Variants in GPM6A observed in about 807,000 individuals in gnomAD.
GPM6A encodes neuronal membrane glycoprotein M6-a.
Under a neutral mutation model 32.1 loss-of-function variants are expected in GPM6A, and 7 were observed. The observed-to-expected ratio is 0.22, with a 90% confidence interval of 0.12 to 0.41. The LOEUF (loss-of-function observed/expected upper bound fraction) is 0.41. Among genes scored for constraint, GPM6A ranks in the 10% least tolerant of loss-of-function variants. The probability of loss-of-function intolerance (pLI) is 1.00; values close to 1 mark genes in which losing one functional copy is unlikely to be tolerated. For missense variants in GPM6A, 235 were observed against 347.2 expected (o/e 0.68, Z 2.57); for synonymous variants, 130 against 123.4 (o/e 1.05, Z -0.35).
At chr4:175,726,220 C>T (rs1254257716) in intron 1 of GPM6A, among the ~76,000 whole-genome samples, 5 of 151,594 alleles carry the variant, frequency 3.3e-5, no homozygotes, top group African/African-American at 4.8e-5. Context: ...AGAATGGTCT[C>T]GATCTCCTGA....
chr4:175,705,636 A>C (rs1745146149), intron 1 of GPM6A, among the ~76,000 whole-genome samples: 1 of 152,086 alleles, frequency 6.6e-6, no homozygotes, highest in African/African-American at 2.4e-5. Context: ...GCAGAGCAGC[A>C]GAGTTGTCAT....
chr4:175,692,384 A>AT lies in GPM6A; in HGVS notation c.230+9190dup, dbSNP rs566438286. The stretch of plus-strand genomic sequence containing the variant: ...TCCCTAATGCTAGGTATTATAATTT[A>AT]TTTTTTTCTGATAAATTGATAGGTT... On this transcript the variant is annotated intron_variant, in intron 2 of 6. Transcript: ENST00000393658. Among the ~76,000 whole-genome samples the AT allele has an allele frequency of 7.4e-3, 1,131 of 152,104 alleles. 10 individuals are homozygous for AT. The highest frequency in any genetic ancestry group is 0.01 in the African/African-American group (423 of 41,494).
chr4:175,966,001 A>C (rs1252249617), intron 1 of GPM6A, among the ~76,000 whole-genome samples: 2 of 152,232 alleles, frequency 1.3e-5, no homozygotes, highest in Non-Finnish European at 2.9e-5. Context: ...TTTGATAACC[A>C]AAATGAAATG....
chr4:175,748,353 T>G (rs527894510), intron 1 of GPM6A, among the ~76,000 whole-genome samples: 1 of 152,320 alleles, frequency 6.6e-6, no homozygotes, highest in Admixed American at 6.5e-5. Context: ...ATGTATTTCT[T>G]AAATAATAAG....
chr4:175,680,138 T>A (rs759357067), intron 2 of GPM6A, among the ~76,000 whole-genome samples: 2 of 152,214 alleles, frequency 1.3e-5, no homozygotes, highest in East Asian at 1.9e-4. Flanking sequence ...TATGTGTACA[T>A]GTATGTGTGT....
intron 1 of GPM6A, among the ~76,000 whole-genome samples, chr4:175,791,580 T>G (rs574873550): frequency 1.3e-5 from 2 of 152,304 alleles, no homozygotes; most frequent in East Asian, 3.9e-4. Context: ...AAAATTGAAC[T>G]CAGAAATTGA....
chr4:175,906,506 C>A (rs965314694), intron 1 of GPM6A: 2 of 151,916 alleles, frequency 1.3e-5, no homozygotes. Context: ...TTATTTTTCT[C>A]TCCTCATTAT....
intron 1 of GPM6A, among the ~76,000 whole-genome samples, chr4:175,924,520 G>A (rs1738768838): frequency 1.3e-5 from 2 of 152,104 alleles, no homozygotes; most frequent in South Asian, 4.1e-4. Flanking sequence ...AATCAAGGCT[G>A]AGTGCTTCTG....
intron 2 of GPM6A, among the ~76,000 whole-genome samples, chr4:175,684,186 A>G (rs12500047): frequency 1.4e-4 from 21 of 152,176 alleles, no homozygotes; most frequent in Non-Finnish European, 1.9e-4. Context: ...ATAGCAATGT[A>G]AGAGAGGGCT....
intron 1 of GPM6A, among the ~76,000 whole-genome samples, chr4:175,920,993 T>G (rs1412377149): frequency 6.6e-6 from 1 of 152,178 alleles, no homozygotes; most frequent in African/African-American, 2.4e-5. Flanking sequence ...TGAGGAAACA[T>G]AACTCCAATA....
intron 2 of GPM6A, among the ~76,000 whole-genome samples, chr4:175,685,054 A>AT (rs969621137): frequency 6.6e-6 from 1 of 151,722 alleles, no homozygotes; most frequent in African/African-American, 2.4e-5. Context: ...CGCCCGGCTA[A>AT]TTTTTTTGTA....
In GPM6A at chr4:175,820,615, C is replaced by T. The variant is rs1488653009; in HGVS notation, c.-22-8366G>A. 2.7e-5 allele frequency among the ~76,000 whole-genome samples: 4 copies of T among 150,898 alleles called. No individual in the cohort carries two copies. In the South Asian group the frequency reaches 8.3e-4, roughly 31 times the overall value. ...TCCCGGGTTCAAGTGATTCTCCTGC[C>T]TCAGCCTCCCAAGTACTGGGATTAC... is the stretch of plus-strand genomic sequence containing the variant. On this transcript the variant is annotated intron_variant, in intron 1 of 7. Coordinates refer to the GPM6A transcript ENST00000280187.
intron 1 of GPM6A, chr4:176,002,284 T>G: frequency 6.3e-7 from 1 of 1,598,566 alleles, no homozygotes; most frequent in Non-Finnish European, 8.5e-7. Flanking sequence ...TTGGGCGAGG[T>G]GTACGCGCCC....
At chr4:175,752,965 T>C (rs976273371) in intron 1 of GPM6A, among the ~76,000 whole-genome samples, 2 of 152,120 alleles carry the variant, frequency 1.3e-5, no homozygotes, top group Non-Finnish European at 1.5e-5. Flanking sequence ...TGTTCTCTAG[T>C]TTTAGGAAGA....
intron 2 of GPM6A, among the ~76,000 whole-genome samples, chr4:175,681,408 TGTG>T (rs1382105088): frequency 6.6e-6 from 1 of 152,218 alleles, no homozygotes; most frequent in Non-Finnish European, 1.5e-5. Context: ...TGTCTATTCA[TGTG>T]TTTGCCATTT....
chr4:175,971,679 GAA>G lies in GPM6A; in HGVS notation c.-23+30628_-23+30629del, dbSNP rs1286231968. ...TGCAGTGAATAGAGAGATGGTAGAAGAAACAGTGGTTTTGAAGTTTCTGCTGG... is the reference window on the plus strand; with the variant it reads ...TGCAGTGAATAGAGAGATGGTAGAAGACAGTGGTTTTGAAGTTTCTGCTGG... On this transcript the variant is annotated intron_variant, in intron 1 of 7. Coordinates refer to the GPM6A transcript ENST00000280187. Among the ~76,000 whole-genome samples, 4 of 152,196 alleles carry G rather than the reference GAA, an allele frequency of 2.6e-5. No individual in the cohort carries two copies. In the East Asian group the frequency reaches 7.7e-4, roughly 29 times the overall value.
intron 1 of GPM6A, among the ~76,000 whole-genome samples, chr4:175,833,287 A>G (rs1579551356): frequency 6.6e-6 from 1 of 152,302 alleles, no homozygotes; most frequent in South Asian, 2.1e-4. Context: ...ATCAGTGACA[A>G]AGGCAGATTT....
At chr4:175,873,094 A>G (rs1442831157) in intron 1 of GPM6A, among the ~76,000 whole-genome samples, 1 of 152,076 alleles carries the variant, frequency 6.6e-6, no homozygotes, top group African/African-American at 2.4e-5. Context: ...GCTATGTTCA[A>G]TTGATTAGAT....
chr4:175,983,149 C>T (rs560625438), intron 1 of GPM6A, among the ~76,000 whole-genome samples: 76 of 152,098 alleles, frequency 5.0e-4, no homozygotes, highest in African/African-American at 1.4e-3. Flanking sequence ...AGGACCAAAA[C>T]GAAGGAGGAA....
Sources: gnomAD v4.1 joint callset for allele counts (sites outside exome capture counted in the v4.1 genomes callset) on GRCh38, gnomAD v4.1.1 for gene constraint, MANE v1.5 for transcripts, NCBI Gene and HGNC (gene_info 2026-07-23, HGNC 2026-07-21) for gene names.